ZNF518A: variants seen among roughly 807,000 people sequenced by gnomAD.
ZNF518A encodes the protein zinc finger protein 518.
Under a neutral mutation model 102.7 loss-of-function variants are expected in ZNF518A, and 47 were observed. That is an observed-to-expected ratio of 0.46 (90% CI 0.36 to 0.58). ZNF518A has a LOEUF of 0.58. Among genes scored for constraint, ZNF518A ranks in the 20% least tolerant of loss-of-function variants. The probability of loss-of-function intolerance (pLI) is 0.00; values close to 1 mark genes in which losing one functional copy is unlikely to be tolerated. For missense variants in ZNF518A, 1,793 were observed against 1,699.8 expected, an observed-to-expected ratio of 1.05 and a Z score of -0.96; for synonymous variants, 652 against 594.6, an observed-to-expected ratio of 1.10 and a Z score of -1.40.
At chr10:96,130,292 C>T (rs1554870896), upstream of ZNF518A, among the ~76,000 whole-genome samples, 1 of 152,216 alleles carries the variant, frequency 6.6e-6, no homozygotes, top group East Asian at 1.9e-4. Flanking sequence ...TCAGCGCTTC[C>T]GCTTAACTTG....
intron 1 of ZNF518A, among the ~76,000 whole-genome samples, chr10:96,170,974 C>T (rs1189047770): frequency 2.0e-5 from 3 of 151,168 alleles, no homozygotes; most frequent in Non-Finnish European, 4.4e-5. Context: ...AGATGCGCAA[C>T]ATCATTAGTC....
chr10:96,164,337 G>T (rs1554889577), downstream of ZNF518A, among the ~76,000 whole-genome samples: 1 of 152,134 alleles, frequency 6.6e-6, no homozygotes, highest in African/African-American at 2.4e-5. Flanking sequence ...CTTTGCCTTA[G>T]CAACTTGTTA....
intron 5 of ZNF518A, 53 bp from the exon 6 acceptor site, chr10:96,156,144 C>T (rs587741686): frequency 7.5e-5 from 35 of 469,624 alleles, no homozygotes; most frequent in Admixed American, 1.7e-4. Flanking sequence ...CTTACAGATA[C>T]GAATTTACTA....
intron 1 of ZNF518A, among the ~76,000 whole-genome samples, chr10:96,171,364 TGA>T (rs2083172486): frequency 6.6e-6 from 1 of 152,074 alleles, no homozygotes; most frequent in Non-Finnish European, 1.5e-5. Flanking sequence ...TAAAAATAAA[TGA>T]GATAGTAATT....
chr10:96,194,768 A>ATTTTTTTTTTTTTTTTT lies in ZNF518A; in HGVS notation n.36-8802_36-8786dup, dbSNP rs71034364. Among the ~76,000 whole-genome samples, 57 of 110,270 alleles carry ATTTTTTTTTTTTTTTTT rather than the reference A, an allele frequency of 5.2e-4. 3 individuals carry two copies. Among genetic ancestry groups the ATTTTTTTTTTTTTTTTT allele is most frequent in the South Asian group, 1.3e-3 (4 of 3,152 alleles). 72.3% of individuals were successfully genotyped at this position (110,270 alleles called of 152,430 possible). ...ATCACTAATCATCAGAGAAATGCAA[A>ATTTTTTTTTTTTTTTTT]TTTTTTTTTTTTTTTTTTTTGAGAC... On this transcript the variant is annotated intron_variant and non_coding_transcript_variant, in intron 1 of 2. Transcript: ENST00000442635.
intron 1 of ZNF518A, among the ~76,000 whole-genome samples, chr10:96,188,326 A>G (rs782734378): frequency 2.6e-5 from 4 of 152,328 alleles, no homozygotes; most frequent in East Asian, 1.9e-4. Flanking sequence ...AGAATGGCCT[A>G]TCTCTCAGAA....
downstream of ZNF518A, among the ~76,000 whole-genome samples, chr10:96,164,946 A>G (rs2083113416): frequency 6.6e-6 from 1 of 152,242 alleles, no homozygotes; most frequent in Non-Finnish European, 1.5e-5. Flanking sequence ...TTACATCATA[A>G]GCTATTGCTA....
At chr10:96,199,391 A>AAT (rs1554895488) in intron 1 of ZNF518A, 1 of 333,258 alleles carries the variant, frequency 3.0e-6, no homozygotes, top group Non-Finnish European at 6.2e-6. Context: ...TCTTGACTCA[A>AAT]ATTTTTAATC....
In ZNF518A at chr10:96,160,846, T is replaced by G. The variant is rs1188973052; in HGVS notation, c.*72T>G. 1 of 1,413,956 alleles carries G rather than the reference T, an allele frequency of 7.1e-7. No homozygotes were observed. The highest frequency in any genetic ancestry group is 9.3e-7 in the Non-Finnish European group (1 of 1,073,268). 87.6% of individuals were successfully genotyped at this position (1,413,956 alleles called of 1,614,324 possible). ...AAAACAACGGGTTCAGTTACCATAA[T>G]GCAGACATTTTCTACTTCAGTATAG... On this transcript the variant is annotated 3_prime_UTR_variant, in exon 6 of 6. Transcript: ENST00000316045.
intron 1 of ZNF518A, among the ~76,000 whole-genome samples, chr10:96,183,797 T>A (rs1322667641): frequency 6.6e-6 from 1 of 152,186 alleles, no homozygotes; most frequent in Non-Finnish European, 1.5e-5. Flanking sequence ...TCTGTTGATT[T>A]GGGGTGGAGA....
In ZNF518A at chr10:96,159,346, T is replaced by C. The variant is rs1554885938; in HGVS notation, c.3024T>C (p.Pro1008=). 6.2e-7 allele frequency: 1 copy of C among 1,613,774 alleles called. No individual in the cohort carries two copies. Among genetic ancestry groups the C allele is most frequent in the East Asian group, 2.2e-5 (1 of 44,882 alleles). The change falls in exon 6 of 6, where the codon CCT becomes CCC. Residue 1008 remains proline (P), a synonymous_variant. Transcript: ENST00000316045. ...APARGTVTKE[P]CKTPILKVEP... is the part of the protein sequence containing the mutation. ...CTCGTGGAACTGTGACTAAGGAGCCTTGCAAAACACCTATTTTGAAGGTAG... is the reference window on the plus strand; with the variant it reads ...CTCGTGGAACTGTGACTAAGGAGCCCTGCAAAACACCTATTTTGAAGGTAG...
intron 1 of ZNF518A, among the ~76,000 whole-genome samples, chr10:96,187,927 C>T (rs587763931): frequency 1.8e-4 from 27 of 152,354 alleles, no homozygotes; most frequent in African/African-American, 6.3e-4. Flanking sequence ...CTCACTACAA[C>T]CTCCGCCTCC....
At chr10:96,139,317 A>T (rs2081789861) in intron 3 of ZNF518A, among the ~76,000 whole-genome samples, 1 of 152,154 alleles carries the variant, frequency 6.6e-6, no homozygotes, top group South Asian at 2.1e-4. Context: ...CCCCATACTC[A>T]AATTGATACA....
intron 1 of ZNF518A, among the ~76,000 whole-genome samples, chr10:96,181,477 A>G (rs1265208160): frequency 1.3e-5 from 2 of 151,776 alleles, no homozygotes; most frequent in African/African-American, 2.4e-5. Context: ...TTATGGTTTT[A>G]GGTCTAACAT....
chr10:96,204,563 C>G, downstream of ZNF518A: 2 of 1,614,072 alleles, frequency 1.2e-6, no homozygotes, highest in Admixed American at 3.3e-5. Flanking sequence ...GGTGACTGCA[C>G]AGCTTCTTGT....
chr10:96,204,196 A>G (rs2083734735), downstream of ZNF518A: 1 of 1,196,402 alleles, frequency 8.4e-7, no homozygotes, highest in African/African-American at 1.5e-5. Flanking sequence ...AAATAAATCA[A>G]TACAAATGGC....
At chr10:96,142,313 T>G (rs201036353) in intron 3 of ZNF518A, among the ~76,000 whole-genome samples, 3 of 47,786 alleles carry the variant, frequency 6.3e-5, no homozygotes, top group East Asian at 3.6e-3. Context: ...AGGGTGTGTG[T>G]GTGTGTGTGT....
intron 1 of ZNF518A, among the ~76,000 whole-genome samples, chr10:96,181,083 C>T (rs1462742982): frequency 6.6e-6 from 1 of 152,228 alleles, no homozygotes; most frequent in African/African-American, 2.4e-5. Context: ...ATTTGCATTT[C>T]TCTGATGGCC....
intron 1 of ZNF518A, among the ~76,000 whole-genome samples, chr10:96,195,141 A>G (rs1287903796): frequency 2.0e-5 from 3 of 152,166 alleles, no homozygotes; most frequent in African/African-American, 7.2e-5. Context: ...CTATAAAACA[A>G]CAACACAATT....
Sources: allele counts gnomAD v4.1 joint callset (sites outside exome capture counted in the v4.1 genomes callset), GRCh38; gene constraint gnomAD v4.1.1; transcripts MANE v1.5; gene names NCBI Gene and HGNC (gene_info 2026-07-23, HGNC 2026-07-21).